The following DNM3 variants were observed in gnomAD, a reference collection of about 807,000 sequenced individuals.
DNM3 encodes dynamin 3, also known as dynamin-3.
A neutral mutation model predicts 101.6 loss-of-function variants in DNM3; 47 were observed. The observed-to-expected ratio is 0.46, with a 90% CI of 0.37 to 0.59. The LOEUF is 0.59. Among genes scored for constraint, DNM3 ranks in the 20% least tolerant of loss-of-function variants. DNM3 has a pLI of 0.00. For missense variants in DNM3, 849 were observed against 1,085.7 expected (o/e 0.78, Z 3.06); for synonymous variants, 385 against 387.9 (o/e 0.99, Z 0.09).
At chr1:172,338,796 A>G (rs1263562963) in intron 17 of DNM3, 1 of 484,262 alleles carries the variant, frequency 2.1e-6, no homozygotes, top group Admixed American at 2.1e-5. Context: ...GAAAACTTTC[A>G]GGGAGTTTTT....
At chr1:171,944,339 G>GTATT (rs60936293) in intron 2 of DNM3, among the ~76,000 whole-genome samples, 10,691 of 146,960 alleles carry the variant, frequency 0.073, 448 homozygotes, top group Middle Eastern at 0.11. Flanking sequence ...TTTAAACAAT[G>GTATT]TATTTATTTA....
Position 172,412,107 on chromosome 1 carries a change from A to AAACTC in DNM3, c.*4269_*4273dup, listed in dbSNP as rs1470732671. The AAACTC allele has an allele frequency of 1.0e-6, 1 of 985,528 alleles. No individual in the cohort carries two copies. Among genetic ancestry groups the AAACTC allele is most frequent in the Non-Finnish European group, 1.2e-6 (1 of 829,834 alleles). The allele number at this position is 985,528 out of a possible 1,614,324, so 61.0% of individuals were successfully genotyped here. A position where few individuals can be genotyped will look rare whatever the true frequency, so the allele number is the denominator to read the frequency against. On this transcript the variant is annotated 3_prime_UTR_variant, in exon 21 of 21. Coordinates refer to ENST00000627582, the MANE Select transcript of DNM3 (RefSeq NM_015569.5). ...TGTATGTGTGAGAGCAAGAGAGAGG[A>AAACTC]AACTCAAAGAGGAGTGTTTGTCTTA... is the stretch of plus-strand genomic sequence containing the variant.
intron 14 of DNM3, among the ~76,000 whole-genome samples, chr1:172,246,569 A>T (rs1407327768): frequency 2.0e-5 from 3 of 152,196 alleles, no homozygotes; most frequent in Non-Finnish European, 4.4e-5. Flanking sequence ...CTAGTGGAAG[A>T]GATAGTTTAG....
intron 11 of DNM3, among the ~76,000 whole-genome samples, chr1:172,073,707 T>A (rs2125957527): frequency 6.6e-6 from 1 of 152,074 alleles, no homozygotes; most frequent in South Asian, 2.1e-4. Context: ...TCACCAAAAT[T>A]TATCCAACAA....
At chr1:172,057,461 T>A (rs1171388666) in intron 10 of DNM3, among the ~76,000 whole-genome samples, 1 of 152,116 alleles carries the variant, frequency 6.6e-6, no homozygotes, top group East Asian at 1.9e-4. Context: ...CGAGTTACCC[T>A]CAAAGGGAAG....
At chr1:172,232,227 G>A (rs903054693) in intron 14 of DNM3, among the ~76,000 whole-genome samples, 5 of 152,042 alleles carry the variant, frequency 3.3e-5, no homozygotes, top group African/African-American at 1.2e-4. Context: ...AAAAAAGGCA[G>A]GGGTTTCAAT....
intron 14 of DNM3, among the ~76,000 whole-genome samples, chr1:172,191,489 G>A (rs145812790): frequency 0.021 from 3,190 of 152,192 alleles, 68 homozygotes; most frequent in Middle Eastern, 0.061. Context: ...GGATTGTCTT[G>A]GCAATGCGGG....
chr1:172,081,208 C>T (rs188895840), intron 11 of DNM3, among the ~76,000 whole-genome samples: 53 of 152,286 alleles, frequency 3.5e-4, no homozygotes, highest in African/African-American at 1.3e-3. Flanking sequence ...GAGATTCTCT[C>T]ACCTCAGCCT....
chr1:171,909,270 TAAAAATAC>T (rs1474909715), intron 1 of DNM3, among the ~76,000 whole-genome samples: 2 of 151,890 alleles, frequency 1.3e-5, no homozygotes, highest in African/African-American at 4.8e-5. Flanking sequence ...GCGTCTCTAC[TAAAAATAC>T]AAAAATTAGC....
At chr1:172,109,643 C>T (rs1304033621) in intron 13 of DNM3, among the ~76,000 whole-genome samples, 1 of 152,170 alleles carries the variant, frequency 6.6e-6, no homozygotes, top group African/African-American at 2.4e-5. Context: ...CTGTTTGAGC[C>T]AACATCTGCA....
intron 2 of DNM3, among the ~76,000 whole-genome samples, chr1:171,937,156 T>A (rs1261793772): frequency 6.6e-6 from 1 of 152,238 alleles, no homozygotes; most frequent in Non-Finnish European, 1.5e-5. Context: ...AATCTTGTTT[T>A]GAATAACAAC....
intron 17 of DNM3, among the ~76,000 whole-genome samples, chr1:172,328,293 G>A (rs957845010): frequency 6.6e-6 from 1 of 152,110 alleles, no homozygotes; most frequent in African/African-American, 2.4e-5. Flanking sequence ...TCCCAATATT[G>A]TAGACATCTC....
At chr1:171,860,409 A>G (rs1470096634) in intron 1 of DNM3, among the ~76,000 whole-genome samples, 2 of 152,160 alleles carry the variant, frequency 1.3e-5, no homozygotes, top group Non-Finnish European at 2.9e-5. Context: ...TTTGCTATGG[A>G]AAAGAATACA....
At chr1:171,854,473 G>A (rs536240557) in intron 1 of DNM3, among the ~76,000 whole-genome samples, 22 of 152,254 alleles carry the variant, frequency 1.4e-4, no homozygotes, top group Non-Finnish European at 2.4e-4. Flanking sequence ...TGTTCTGGAT[G>A]ATCAAAGGAA....
In DNM3 at chr1:172,303,961, A is replaced by G. The variant is rs572225644; in HGVS notation, c.1770-4767A>G. ...TAAAGACCATTGATGCTAGGAAGAA[A>G]CTGCATCAACTAACCAGCAAAATAA... On this transcript the variant is annotated intron_variant, in intron 15 of 20. Coordinates refer to ENST00000627582, the MANE Select transcript of DNM3 (RefSeq NM_015569.5). Among the ~76,000 whole-genome samples, 234 of 152,178 alleles carry G rather than the reference A, an allele frequency of 1.5e-3. 1 individual carries two copies. Among genetic ancestry groups the G allele is most frequent in the Non-Finnish European group, 2.7e-3 (183 of 68,014 alleles).
intron 4 of DNM3, among the ~76,000 whole-genome samples, chr1:172,017,314 CT>C (rs1187908121): frequency 6.6e-6 from 1 of 151,926 alleles, no homozygotes; most frequent in African/African-American, 2.4e-5. Context: ...TTAGATGTTT[CT>C]TTTTTTCTAA....
At chr1:171,884,025 C>G (rs2036552407) in intron 1 of DNM3, among the ~76,000 whole-genome samples, 1 of 152,204 alleles carries the variant, frequency 6.6e-6, no homozygotes, top group Non-Finnish European at 1.5e-5. Flanking sequence ...GCTGGGAGAT[C>G]ACAGGGAGCT....
At chr1:172,396,766 C>A (rs182430806) in intron 20 of DNM3, among the ~76,000 whole-genome samples, 23 of 152,068 alleles carry the variant, frequency 1.5e-4, no homozygotes, top group African/African-American at 5.5e-4. Flanking sequence ...ATTTACTGTT[C>A]GTCTGTATAT....
intron 15 of DNM3, among the ~76,000 whole-genome samples, chr1:172,292,627 G>A (rs114999815): frequency 0.036 from 3,888 of 107,740 alleles, 152 homozygotes; most frequent in African/African-American, 0.1. Flanking sequence ...ACACACACGC[G>A]CGTGCGTATA....
Sources: allele counts gnomAD v4.1 joint callset (sites outside exome capture counted in the v4.1 genomes callset), GRCh38; gene constraint gnomAD v4.1.1; transcripts MANE v1.5; gene names NCBI Gene and HGNC (gene_info 2026-07-23, HGNC 2026-07-21).